CCT4: variants seen among roughly 807,000 people sequenced by gnomAD.
The protein encoded by CCT4 is chaperonin containing TCP1 subunit 4.
A neutral mutation model predicts 62.5 loss-of-function variants in CCT4; 17 were observed. The observed-to-expected ratio is 0.27, with a 90% CI of 0.19 to 0.41. CCT4 has a LOEUF of 0.41. CCT4 is among the 10% of genes least tolerant of loss of function. CCT4 has a pLI of 1.00. For synonymous variants in CCT4, 250 were observed against 229.9 expected (o/e 1.09, Z -0.79); for missense variants, 592 against 659.2 (o/e 0.90, Z 1.12).
chr2:61,888,568 G>T lies in CCT4; in HGVS notation c.-61C>A. ...GACGGATGGACCCGGATTCTGGCCG[G>T]CCGCAGTGTAATAACGGTAAGCCCT... On this transcript the variant is annotated 5_prime_UTR_variant, in exon 1 of 14. Transcript: ENST00000394440. 3.2e-6 allele frequency: 5 copies of T among 1,575,540 alleles called. No individual in the cohort carries two copies. Among genetic ancestry groups the T allele is most frequent in the Admixed American group, 3.5e-5 (2 of 56,934 alleles).
At chr2:61,875,765 C>T (rs187703551) in intron 8 of CCT4, among the ~76,000 whole-genome samples, 472 of 152,136 alleles carry the variant, frequency 3.1e-3, no homozygotes, top group African/African-American at 0.01. Flanking sequence ...TTTTAAAAAA[C>T]CTACTTTTTT....
chr2:61,876,386 T>A, intron 7 of CCT4, 152 bp from the exon 8 acceptor site: 1 of 521,240 alleles, frequency 1.9e-6, no homozygotes, highest in Non-Finnish European at 3.3e-6. Flanking sequence ...GAGTCTGGAT[T>A]AAGATACACA....
chr2:61,875,153 G>T (rs1284160775), intron 8 of CCT4, among the ~76,000 whole-genome samples: 1 of 150,824 alleles, frequency 6.6e-6, no homozygotes, highest in East Asian at 1.9e-4. Context: ...AAAAAAAAAG[G>T]AAGATTACGC....
intron 5 of CCT4, among the ~76,000 whole-genome samples, 182 bp from the exon 6 acceptor site, chr2:61,877,696 G>C (rs1259236159): frequency 6.6e-6 from 1 of 151,958 alleles, no homozygotes; most frequent in East Asian, 1.9e-4. Context: ...TGTCACCAGG[G>C]GCACAAAATA....
chr2:61,886,051 G>A (rs1669241600), intron 1 of CCT4: 1 of 152,160 alleles, frequency 6.6e-6, no homozygotes, highest in Non-Finnish European at 1.5e-5. Flanking sequence ...GTAGATAGGT[G>A]GCCCGCCAAC....
chr2:61,885,178 G>C, intron 1 of CCT4, 106 bp from the exon 2 acceptor site: 2 of 714,654 alleles, frequency 2.8e-6, no homozygotes, highest in Non-Finnish European at 4.3e-6. Context: ...CTGGGCTCAA[G>C]CAACCCTCCC....
At position 61,876,140 on chromosome 2, in the gene CCT4, T is replaced by C; in HGVS notation, c.872A>G (p.Lys291Arg). The part of the protein sequence containing the change: ...AYILNLVKQI[K>R]KTGCNVLLIQ... ...GAGAAGGACATTACATCCTGTTTTT[T>C]TAATTTGCTTCACTAAATTTAAAAT... The change falls in exon 8 of 14, where the codon AAA becomes AGA. Residue 291 changes from lysine to arginine, a missense_variant. By Grantham distance (26) the Lys-to-Arg change is conservative (BLOSUM62 2). Coordinates refer to ENST00000394440, the MANE Select transcript of CCT4 (RefSeq NM_006430.4). 1.2e-6 allele frequency: 2 copies of C among 1,606,922 alleles called. No individual in the cohort carries two copies. Among genetic ancestry groups the C allele is most frequent in the Non-Finnish European group, 1.7e-6 (2 of 1,173,710 alleles).
chr2:61,877,294 A>C, intron 6 of CCT4, 99 bp downstream of exon 6: 2 of 1,238,638 alleles, frequency 1.6e-6, no homozygotes, highest in Admixed American at 4.5e-5. Context: ...AAAAGAGAAA[A>C]GAGAGCTTTG....
intron 5 of CCT4, 58 bp from the exon 6 acceptor site, chr2:61,877,572 T>C: frequency 1.5e-6 from 2 of 1,324,308 alleles, no homozygotes; most frequent in Admixed American, 2.9e-5. Flanking sequence ...GTCCTAATTT[T>C]TCAATGACAA....
At position 61,876,075 on chromosome 2, in the gene CCT4, C is replaced by T. The variant is rs376541608; in HGVS notation, c.917+20G>A. ...TCCAAAATTATCATTAAGGGATGAA[C>T]AAAATAAATAGCCCCACACCTTAGA... is the stretch of plus-strand genomic sequence containing the variant. On this transcript the variant is annotated intron_variant, in intron 8 of 13. Coordinates refer to ENST00000394440, the MANE Select transcript of CCT4 (RefSeq NM_006430.4). The T allele has an allele frequency of 2.5e-4, 376 of 1,532,578 alleles. No homozygotes were observed. The highest frequency in any genetic ancestry group is 3.1e-4 in the Non-Finnish European group (354 of 1,124,150). The allele number at this position is 1,532,578 out of a possible 1,614,324, so 94.9% of individuals were successfully genotyped here.
chr2:61,887,400 T>G (rs1055438626), intron 1 of CCT4, among the ~76,000 whole-genome samples: 7 of 152,168 alleles, frequency 4.6e-5, no homozygotes, highest in Admixed American at 1.3e-4. Context: ...TAAAAAGAAA[T>G]GATCCCATAG....
In CCT4 at chr2:61,868,442, TTAGTTTTTA is replaced by T. The variant is rs1205726316; in HGVS notation, c.*241_*249del. 2.2e-5 allele frequency: 10 copies of T among 457,560 alleles called. No homozygotes were observed. The highest frequency in any genetic ancestry group is 3.1e-5 in the Non-Finnish European group (8 of 255,780). The allele number at this position is 457,560 out of a possible 1,614,324, so 28.3% of individuals were successfully genotyped here. On this transcript the variant is annotated 3_prime_UTR_variant, in exon 14 of 14. Coordinates refer to ENST00000394440, the MANE Select transcript of CCT4 (RefSeq NM_006430.4). The stretch of plus-strand genomic sequence containing the variant: ...AAACTCACTTTTTACGCTTCTTTTA[TTAGTTTTTA>T]TTAGTTTTTCAAAAGTATCAGAAAT...
chr2:61,874,470 C>T (rs1370665602), intron 8 of CCT4, among the ~76,000 whole-genome samples: 1 of 151,922 alleles, frequency 6.6e-6, no homozygotes, highest in Non-Finnish European at 1.5e-5. Context: ...ATTAGCCAGG[C>T]GTGGTGGCAC....
chr2:61,877,879 G>T (rs1257791225), intron 5 of CCT4, among the ~76,000 whole-genome samples: 1 of 152,148 alleles, frequency 6.6e-6, no homozygotes, highest in Non-Finnish European at 1.5e-5. Context: ...CTGATGAGGG[G>T]TTGATAAAAA....
rs564177163 is a variant in CCT4 at position 61,868,433 on chromosome 2, CTTCTT to C, written c.*254_*258del. On this transcript the variant is annotated 3_prime_UTR_variant, in exon 14 of 14. Coordinates refer to ENST00000394440, the MANE Select transcript of CCT4 (RefSeq NM_006430.4). ...TCAACATGTAAACTCACTTTTTACG[CTTCTT>C]TTATTAGTTTTTATTAGTTTTTCAA... 4.5e-4 allele frequency: 197 copies of C among 439,716 alleles called. 2 individuals carry two copies. The South Asian group carries it at 5.4e-3, about 12-fold the overall frequency. The allele number at this position is 439,716 out of a possible 1,614,324, so 27.2% of individuals were successfully genotyped here.
At position 61,868,933 on chromosome 2, in the gene CCT4, G is replaced by A. The variant is rs112678099; in HGVS notation, c.1606-227C>T. ...AGGTGGATCACAAGGTAAGAAGTTC[G>A]AGACCAGCCTGACCAACATGGTGAA... On this transcript the variant is annotated intron_variant, in intron 13 of 13. Transcript: ENST00000394440. The A allele has an allele frequency of 8.6e-3, 3,983 of 463,866 alleles. 128 individuals carry two copies. The highest frequency in any genetic ancestry group is 0.071 in the African/African-American group (3,559 of 50,444). The allele number at this position is 463,866 out of a possible 1,614,324, so 28.7% of individuals were successfully genotyped here. A position where few individuals can be genotyped will look rare whatever the true frequency, so the allele number is the denominator to read the frequency against.
Position 61,868,709 on chromosome 2 carries a change from G to T in CCT4, c.1606-3C>A. On this transcript the variant is annotated splice_polypyrimidine_tract_variant and splice_region_variant and intron_variant, in intron 13 of 13. Transcript: ENST00000394440. ...TATCCAGATTATCGAGTGTTTACCT[G>T]ATAAGAGAAAAACTTAGATTTCAAA... 1 of 1,586,314 alleles carries T rather than the reference G, an allele frequency of 6.3e-7. No homozygotes were observed. The highest frequency in any genetic ancestry group is 8.7e-7 in the Non-Finnish European group (1 of 1,154,928).
chr2:61,872,274 G>A lies in CCT4; in HGVS notation c.1299C>T (p.Ala433=). The A allele has an allele frequency of 5.0e-6, 8 of 1,610,286 alleles. No homozygotes were observed. The highest frequency in any genetic ancestry group is 5.9e-6 in the Non-Finnish European group (7 of 1,177,600). ...TTCGTGAATATTCAGTTAATCGTAG[G>A]GCCAACTCTATTTCTGGAGCACCAC... ...AGGGAPEIEL[A]LRLTEYSRTL... The change falls in exon 12 of 14, where the codon GCC becomes GCT. Residue 433 remains alanine (A), a synonymous_variant. Transcript: ENST00000394440.
chr2:61,884,652 G>C (rs192487911), intron 2 of CCT4, among the ~76,000 whole-genome samples: 4 of 150,928 alleles, frequency 2.7e-5, no homozygotes, highest in Non-Finnish European at 5.9e-5. Flanking sequence ...TTTTGAGATA[G>C]AGTTTTGCTT....
Sources: allele counts gnomAD v4.1 joint callset (sites outside exome capture counted in the v4.1 genomes callset), GRCh38; gene constraint gnomAD v4.1.1; transcripts MANE v1.5; gene names NCBI Gene and HGNC (gene_info 2026-07-23, HGNC 2026-07-21).